Variants in ACKR2 observed in about 807,000 individuals in gnomAD.
The protein encoded by ACKR2 is C-C chemokine receptor D6.
For synonymous variants in ACKR2, 207 were observed against 192.2 expected, an observed-to-expected ratio of 1.08 and a Z score of -0.64; for missense variants, 457 against 477.3, an observed-to-expected ratio of 0.96 and a Z score of 0.40.
intron 2 of ACKR2, among the ~76,000 whole-genome samples, chr3:42,834,424 C>G (rs1575381237): frequency 6.6e-6 from 1 of 151,958 alleles, no homozygotes. Context: ...GCTTAGACTA[C>G]AGTACAGTCA....
In ACKR2 at chr3:42,851,328, G is replaced by C. The variant is rs984589184; in HGVS notation, c.-37-13138G>C. The C allele has an allele frequency of 1.5e-5, 15 of 983,824 alleles. No individual in the cohort carries two copies. In the African/African-American group the frequency reaches 2.6e-4, roughly 17 times the overall value. 60.9% of individuals were successfully genotyped at this position (983,824 alleles called of 1,614,324 possible). ...CAGGATATACATAGGCTGCTGTCCA[G>C]AGAGGGGATGAGCGCATGGAAAGGA... On this transcript the variant is annotated intron_variant, in intron 2 of 2. Transcript: ENST00000422265.
Position 42,815,134 on chromosome 3 carries a change from C to T in ACKR2, c.-118-4497C>T, listed in dbSNP as rs572552098. On this transcript the variant is annotated intron_variant, in intron 1 of 2. Coordinates refer to ENST00000422265, the MANE Select transcript of ACKR2 (RefSeq NM_001296.5). ...TGTTCTATTAGGTGCCGCCTGAAGA[C>T]GTTGGAGCAGGATGTTGACAAGAGC... is the stretch of plus-strand genomic sequence containing the variant. Among the ~76,000 whole-genome samples the T allele has an allele frequency of 7.9e-5, 12 of 152,190 alleles. No individual in the cohort carries two copies. In the East Asian group the frequency reaches 1.7e-3, roughly 22 times the overall value.
At chr3:42,831,644 G>A (rs1700933241) in intron 2 of ACKR2, among the ~76,000 whole-genome samples, 1 of 152,156 alleles carries the variant, frequency 6.6e-6, no homozygotes, top group Non-Finnish European at 1.5e-5. Flanking sequence ...TCTCAAAGGA[G>A]GTCTGCATCC....
intron 2 of ACKR2, among the ~76,000 whole-genome samples, chr3:42,849,765 C>A (rs1701133262): frequency 6.6e-6 from 1 of 152,092 alleles, no homozygotes; most frequent in African/African-American, 2.4e-5. Context: ...GTAATTGGCA[C>A]AAGAATAGGT....
chr3:42,846,273 G>C (rs1014424864), intron 2 of ACKR2, among the ~76,000 whole-genome samples: 6 of 152,196 alleles, frequency 3.9e-5, no homozygotes, highest in Admixed American at 1.3e-4. Flanking sequence ...ATAAAGTGAA[G>C]GGGTGGTCAG....
chr3:42,863,953 A>AC (rs1367500913), intron 2 of ACKR2, among the ~76,000 whole-genome samples: 7 of 152,192 alleles, frequency 4.6e-5, no homozygotes, highest in African/African-American at 1.7e-4. Flanking sequence ...GTATGTATAT[A>AC]CCTATGTAAC....
intron 2 of ACKR2, among the ~76,000 whole-genome samples, chr3:42,840,215 G>C (rs1701022660): frequency 7.2e-6 from 1 of 138,966 alleles, no homozygotes; most frequent in African/African-American, 2.7e-5. Context: ...AGCTGAGATC[G>C]CGCCAATGCA....
rs1478396750 is a variant in ACKR2 at position 42,817,147 on chromosome 3, G to A, written c.-118-2484G>A. Among the ~76,000 whole-genome samples the A allele has an allele frequency of 2.0e-5, 3 of 152,118 alleles. No homozygotes were observed. The East Asian group carries it at 5.8e-4, about 29-fold the overall frequency. On this transcript the variant is annotated intron_variant, in intron 1 of 2. Transcript: ENST00000422265. ...TAAGTGACCATACATAAGGCACCAA[G>A]AAGAGTGCTTGGGATGTAATAGAGC... is the stretch of plus-strand genomic sequence containing the variant.
chr3:42,810,697 G>T (rs530089946), intron 1 of ACKR2, among the ~76,000 whole-genome samples: 1 of 152,270 alleles, frequency 6.6e-6, no homozygotes, highest in South Asian at 2.1e-4. Context: ...CAAGACTTGC[G>T]TCAAAAATAA....
At chr3:42,822,776 T>C (rs953346325) in intron 2 of ACKR2, among the ~76,000 whole-genome samples, 2 of 127,890 alleles carry the variant, frequency 1.6e-5, no homozygotes, top group Non-Finnish European at 1.5e-5. Flanking sequence ...ATTGCATCAC[T>C]GCACTGCAGC....
At chr3:42,824,140 G>A (rs571085600) in intron 2 of ACKR2, among the ~76,000 whole-genome samples, 1 of 152,056 alleles carries the variant, frequency 6.6e-6, no homozygotes, top group Non-Finnish European at 1.5e-5. Flanking sequence ...TCAAAATCCA[G>A]GAAATTCCGA....
chr3:42,856,058 T>A, intron 2 of ACKR2: 1 of 316,786 alleles, frequency 3.2e-6, no homozygotes, highest in Non-Finnish European at 5.7e-6. Context: ...GCTCACAGGC[T>A]CCCAGCACCA....
intron 1 of ACKR2, among the ~76,000 whole-genome samples, chr3:42,810,989 A>G (rs1011213335): frequency 6.6e-6 from 1 of 152,188 alleles, no homozygotes; most frequent in African/African-American, 2.4e-5. Context: ...AGCCGGGATT[A>G]CAGGCATCTG....
At chr3:42,845,346 G>A (rs947573632) in intron 2 of ACKR2, among the ~76,000 whole-genome samples, 3 of 152,140 alleles carry the variant, frequency 2.0e-5, no homozygotes, top group Non-Finnish European at 4.4e-5. Context: ...TGAATGGTGG[G>A]AAAACACCAA....
intron 2 of ACKR2, among the ~76,000 whole-genome samples, chr3:42,858,432 C>T (rs897607644): frequency 6.6e-6 from 1 of 152,100 alleles, no homozygotes; most frequent in African/African-American, 2.4e-5. Flanking sequence ...GCAGAGGGGC[C>T]TGACTGTTAG....
chr3:42,813,195 C>T (rs1700713490), intron 1 of ACKR2, among the ~76,000 whole-genome samples: 1 of 152,084 alleles, frequency 6.6e-6, no homozygotes, highest in African/African-American at 2.4e-5. Context: ...AGTCCAAGAG[C>T]TATAGTATGT....
chr3:42,810,407 AC>A (rs71941559), intron 1 of ACKR2, among the ~76,000 whole-genome samples: 24,403 of 145,868 alleles, frequency 0.17, 2,266 homozygotes, highest in South Asian at 0.28. Flanking sequence ...AATTCATAGT[AC>A]CCCCCCCCAA....
Position 42,864,741 on chromosome 3 carries a change from T to G in ACKR2, c.239T>G (p.Met80Arg). The change falls in exon 3 of 3, where the codon ATG becomes AGG. Residue 80 changes from methionine to arginine, a missense_variant. Met to Arg is a moderately conservative substitution (Grantham distance 91). Transcript: ENST00000422265. ...CTCCGTTACGTGCCTCGCAGGCGGA[T>G]GGTTGAGATCTATCTGCTGAATCTG... The part of the protein sequence containing the change: ...VLLRYVPRRR[M>R]VEIYLLNLAI... 6.2e-7 allele frequency: 1 copy of G among 1,614,226 alleles called. No homozygotes were observed. The highest frequency in any genetic ancestry group is 1.3e-5 in the African/African-American group (1 of 75,050).
Position 42,865,553 on chromosome 3 carries a change from A to G in ACKR2, c.1051A>G (p.Ser351Gly). 1.2e-6 allele frequency: 2 copies of G among 1,614,180 alleles called. No homozygotes were observed. The highest frequency in any genetic ancestry group is 1.7e-6 in the Non-Finnish European group (2 of 1,180,028). The change falls in exon 3 of 3, where the codon AGC becomes GGC. Residue 351 changes from serine to glycine, a missense_variant. Coordinates refer to ENST00000422265, the MANE Select transcript of ACKR2 (RefSeq NM_001296.5). ...CTCATTATCCAGCTGTTCTGAGAGC[A>G]GCATACTTACTGCCCAAGAGGAAAT... is the stretch of plus-strand genomic sequence containing the variant. ...QASLSSCSES[S>G]ILTAQEEMTG... is the part of the protein sequence containing the mutation.
Sources: allele counts gnomAD v4.1 joint callset (sites outside exome capture counted in the v4.1 genomes callset), GRCh38; gene constraint gnomAD v4.1.1; transcripts MANE v1.5; gene names NCBI Gene and HGNC (gene_info 2026-07-23, HGNC 2026-07-21).